BAZ1A: variants seen among roughly 807,000 people sequenced by gnomAD.
BAZ1A encodes the protein bromodomain adjacent to zinc finger domain 1A.
Under a neutral mutation model 185.2 loss-of-function variants are expected in BAZ1A, and 50 were observed. That is an observed-to-expected ratio of 0.27 (90% CI 0.22 to 0.34). The LOEUF (loss-of-function observed/expected upper bound fraction) is 0.34. Ranked by LOEUF, BAZ1A falls within the 10% of genes least tolerant of loss-of-function variation. The pLI, the probability that BAZ1A is intolerant of heterozygous loss-of-function variation, is 1.00. For missense variants in BAZ1A, 1,356 were observed against 1,839.9 expected, an observed-to-expected ratio of 0.74 and a Z score of 4.81; for synonymous variants, 571 against 615.6, an observed-to-expected ratio of 0.93 and a Z score of 1.07.
chr14:34,807,562 G>A (rs2041864148), intron 5 of BAZ1A, 24 bp from the exon 6 acceptor site: 1 of 1,566,342 alleles, frequency 6.4e-7, no homozygotes, highest in Non-Finnish European at 8.8e-7. Flanking sequence ...GGAAGTCAAA[G>A]AGGGGTAGTG....
chr14:34,851,197 G>T (rs553640538), intron 3 of BAZ1A, among the ~76,000 whole-genome samples: 3 of 151,914 alleles, frequency 2.0e-5, no homozygotes, highest in African/African-American at 7.2e-5. Flanking sequence ...GCCAGGCATG[G>T]TTGCAGGCGC....
chr14:34,834,179 T>C (rs1249255084), intron 3 of BAZ1A, among the ~76,000 whole-genome samples: 5 of 152,192 alleles, frequency 3.3e-5, no homozygotes, highest in Admixed American at 3.3e-4. Context: ...AGATATCAGA[T>C]CTATCAGGGC....
chr14:34,849,679 A>G (rs182479660), intron 3 of BAZ1A, among the ~76,000 whole-genome samples: 37 of 152,338 alleles, frequency 2.4e-4, no homozygotes, highest in African/African-American at 8.4e-4. Flanking sequence ...GAAAAGCTCA[A>G]TAAATGTTAG....
At chr14:34,775,632 T>C (rs1349013577) in intron 18 of BAZ1A, among the ~76,000 whole-genome samples, 1 of 152,234 alleles carries the variant, frequency 6.6e-6, no homozygotes, top group Non-Finnish European at 1.5e-5. Flanking sequence ...ATTCTTGGGT[T>C]TCAGAGTCTA....
At chr14:34,859,557 T>C (rs2042735891) in intron 3 of BAZ1A, among the ~76,000 whole-genome samples, 1 of 152,172 alleles carries the variant, frequency 6.6e-6, no homozygotes. Context: ...ATTTAATTAC[T>C]TAGCTTAAAA....
intron 3 of BAZ1A, among the ~76,000 whole-genome samples, chr14:34,833,218 AAAAC>A (rs747213092): frequency 2.0e-5 from 3 of 151,906 alleles, no homozygotes; most frequent in African/African-American, 7.2e-5. Context: ...GTCTCAAAGA[AAAAC>A]AAACAAACAA....
At chr14:34,871,711 A>G (rs2042951028) in intron 2 of BAZ1A, among the ~76,000 whole-genome samples, 1 of 152,222 alleles carries the variant, frequency 6.6e-6, no homozygotes. Context: ...CGTCTCTACT[A>G]AAAATACAAA....
intron 3 of BAZ1A, among the ~76,000 whole-genome samples, chr14:34,861,305 A>G (rs1167276147): frequency 6.6e-6 from 1 of 152,212 alleles, no homozygotes; most frequent in Non-Finnish European, 1.5e-5. Context: ...GAAAACATTG[A>G]TAATTTTTCA....
chr14:34,794,132 G>GAA (rs962885567), intron 11 of BAZ1A, among the ~76,000 whole-genome samples: 1 of 142,926 alleles, frequency 7.0e-6, no homozygotes, highest in African/African-American at 2.6e-5. Context: ...ACTGTCTCAA[G>GAA]AAAAAAAAAA....
At chr14:34,868,746 A>G (rs531081898) in intron 2 of BAZ1A, among the ~76,000 whole-genome samples, 1 of 152,002 alleles carries the variant, frequency 6.6e-6, no homozygotes, top group South Asian at 2.1e-4. Flanking sequence ...GGTTGCAGTG[A>G]GCCGAGATGG....
At chr14:34,858,438 T>C (rs994416973) in intron 3 of BAZ1A, among the ~76,000 whole-genome samples, 3 of 152,124 alleles carry the variant, frequency 2.0e-5, no homozygotes, top group African/African-American at 7.2e-5. Flanking sequence ...CCCTTGTCAA[T>C]AGTGCTCACA....
chr14:34,765,662 G>A (rs979132298), intron 21 of BAZ1A, among the ~76,000 whole-genome samples: 1 of 152,098 alleles, frequency 6.6e-6, no homozygotes, highest in Non-Finnish European at 1.5e-5. Context: ...ATAAAAGATG[G>A]ACTGTTCTCC....
chr14:34,759,068 A>G (rs1318227394), intron 24 of BAZ1A, among the ~76,000 whole-genome samples: 2 of 151,808 alleles, frequency 1.3e-5, no homozygotes, highest in Admixed American at 6.6e-5. Context: ...TTAAACATTC[A>G]TTGGGAACAG....
rs111790447 is a variant in BAZ1A, at chr14:34,836,414, A to C, written c.393-10258T>G. 2.7e-5 allele frequency among the ~76,000 whole-genome samples: 4 copies of C among 146,826 alleles called. 1 individual carries two copies. Among genetic ancestry groups the C allele is most frequent in the African/African-American group, 1.0e-4 (4 of 39,020 alleles). Reference sequence around the variant, plus strand: ...AAAAAAAAAAAAAAAAAAAAAAAAAAAAAAACTTTCTATAACTGAGACACA... The same window carrying C: ...AAAAAAAAAAAAAAAAAAAAAAAAACAAAAACTTTCTATAACTGAGACACA... On this transcript the variant is annotated intron_variant, in intron 3 of 26. Transcript: ENST00000360310.
intron 7 of BAZ1A, among the ~76,000 whole-genome samples, chr14:34,802,066 C>T (rs888550549): frequency 1.3e-5 from 2 of 152,176 alleles, no homozygotes; most frequent in African/African-American, 2.4e-5. Flanking sequence ...GAAAAACAAA[C>T]TCTCAGCTTA....
chr14:34,800,751 T>C (rs1181959348), intron 8 of BAZ1A, among the ~76,000 whole-genome samples: 1 of 152,186 alleles, frequency 6.6e-6, no homozygotes, highest in Non-Finnish European at 1.5e-5. Flanking sequence ...CCCCAAGTGA[T>C]TCATATGTAC....
At chr14:34,777,416 G>A (rs1013122751) in intron 17 of BAZ1A, among the ~76,000 whole-genome samples, 1 of 152,178 alleles carries the variant, frequency 6.6e-6, no homozygotes, top group Non-Finnish European at 1.5e-5. Flanking sequence ...GGCCGAGGTG[G>A]GCGGATCACC....
intron 3 of BAZ1A, among the ~76,000 whole-genome samples, chr14:34,837,729 A>G (rs1429398834): frequency 1.3e-5 from 2 of 152,192 alleles, no homozygotes; most frequent in African/African-American, 4.8e-5. Flanking sequence ...AAACTACCAA[A>G]AACTTTAAAA....
rs1000802773 is a variant in BAZ1A, at chr14:34,862,100, G to A, written c.336C>T (p.Val112=). ...TTTCTTCGACAAAATATCGATCCTT[G>A]ACATATGCAAAGATATCATCACAAA... ...HEICDDIFAY[V]KDRYFVEETV... The change falls in exon 3 of 27, where the codon GTC becomes GTT. Residue 112 remains valine, a synonymous_variant. Transcript: ENST00000360310. 3 of 1,614,036 alleles carry A rather than the reference G, an allele frequency of 1.9e-6. No homozygotes were observed. The African/African-American group carries it at 4.0e-5, about 22-fold the overall frequency.
Sources: gnomAD v4.1 joint callset for allele counts (sites outside exome capture counted in the v4.1 genomes callset) on GRCh38, gnomAD v4.1.1 for gene constraint, MANE v1.5 for transcripts, NCBI Gene and HGNC (gene_info 2026-07-23, HGNC 2026-07-21) for gene names.